MAST4: variants seen among roughly 807,000 people sequenced by gnomAD.
The protein encoded by MAST4 is microtubule associated serine/threonine kinase family member 4, also known as microtubule-associated serine/threonine-protein kinase 4.
A neutral mutation model predicts 162.7 loss-of-function variants in MAST4; 89 were observed. That is an observed-to-expected ratio of 0.55 (90% confidence interval 0.46 to 0.65). The LOEUF is 0.65. MAST4 is among the 30% of genes least tolerant of loss of function. The pLI, the probability that MAST4 is intolerant of heterozygous loss-of-function variation, is 0.00. For missense variants in MAST4, 3,153 were observed against 3,374.0 expected, an observed-to-expected ratio of 0.93 and a Z score of 1.62; for synonymous variants, 1,479 against 1,361.1, an observed-to-expected ratio of 1.09 and a Z score of -1.91.
intron 3 of MAST4, among the ~76,000 whole-genome samples, chr5:66,875,422 A>G (rs932958461): frequency 1.3e-5 from 2 of 152,220 alleles, no homozygotes; most frequent in Admixed American, 6.5e-5. Flanking sequence ...CATGAATCTC[A>G]TTTCTGAAAC....
intron 1 of MAST4, among the ~76,000 whole-genome samples, chr5:66,677,391 C>A (rs1444160482): frequency 6.6e-6 from 1 of 152,166 alleles, no homozygotes; most frequent in African/African-American, 2.4e-5. Context: ...TCTAACCTCT[C>A]TTTTAGTTTA....
At chr5:66,736,921 C>T (rs147631286) in intron 1 of MAST4, among the ~76,000 whole-genome samples, 514 of 152,288 alleles carry the variant, frequency 3.4e-3, no homozygotes, top group Non-Finnish European at 5.1e-3. Context: ...AACATGTTTG[C>T]GTCCCCTCTG....
At chr5:66,951,823 A>G (rs189354916) in intron 4 of MAST4, among the ~76,000 whole-genome samples, 10 of 152,196 alleles carry the variant, frequency 6.6e-5, no homozygotes, top group East Asian at 1.9e-4. Context: ...GGCACTTTCT[A>G]TGTTATCAAA....
intron 4 of MAST4, among the ~76,000 whole-genome samples, chr5:66,924,287 T>C (rs914959019): frequency 6.6e-6 from 1 of 152,204 alleles, no homozygotes; most frequent in Non-Finnish European, 1.5e-5. Context: ...CAGTAATTAT[T>C]TTGGAGAATA....
At chr5:66,879,479 TG>T (rs373913346) in intron 3 of MAST4, among the ~76,000 whole-genome samples, 53 of 152,300 alleles carry the variant, frequency 3.5e-4, no homozygotes, top group East Asian at 2.7e-3. Flanking sequence ...TTTGCAGCTA[TG>T]CTTTCTGGGA....
chr5:66,768,994 G>T (rs1754239328), intron 2 of MAST4, among the ~76,000 whole-genome samples: 1 of 152,126 alleles, frequency 6.6e-6, no homozygotes, highest in African/African-American at 2.4e-5. Context: ...GGTTATATGG[G>T]AATTGAGAAG....
At chr5:66,620,964 T>C (rs1744037569) in intron 1 of MAST4, among the ~76,000 whole-genome samples, 1 of 152,090 alleles carries the variant, frequency 6.6e-6, no homozygotes, top group Admixed American at 6.6e-5. Flanking sequence ...GAGACAAGTA[T>C]AGGAAATGAC....
At chr5:66,602,737 C>G (rs1305005821) in intron 1 of MAST4, among the ~76,000 whole-genome samples, 2 of 152,258 alleles carry the variant, frequency 1.3e-5, no homozygotes, top group African/African-American at 4.8e-5. Context: ...TGGTTATGTT[C>G]TTACATTCTA....
At chr5:67,132,082 C>A in intron 16 of MAST4, 131 bp downstream of exon 16, 1 of 1,027,994 alleles carries the variant, frequency 9.7e-7, no homozygotes, top group Non-Finnish European at 1.4e-6. Context: ...GTTGTTTTAA[C>A]AGTATATATG....
At chr5:66,887,941 G>A (rs971123635) in intron 3 of MAST4, among the ~76,000 whole-genome samples, 3 of 152,054 alleles carry the variant, frequency 2.0e-5, no homozygotes. Flanking sequence ...GGGCGCGGTG[G>A]CTCACGCCTG....
chr5:66,683,674 C>T (rs1177644891), intron 1 of MAST4, among the ~76,000 whole-genome samples: 1 of 152,174 alleles, frequency 6.6e-6, no homozygotes, highest in Non-Finnish European at 1.5e-5. Flanking sequence ...TACAGATGAC[C>T]TGCCTTGGGG....
intron 5 of MAST4, among the ~76,000 whole-genome samples, chr5:67,061,126 T>C (rs1759522235): frequency 6.6e-6 from 1 of 151,628 alleles, no homozygotes; most frequent in Non-Finnish European, 1.5e-5. Context: ...ACCAGTTTAT[T>C]GTATTCTTCA....
At chr5:66,694,789 T>G (rs915550003) in intron 1 of MAST4, among the ~76,000 whole-genome samples, 3 of 152,208 alleles carry the variant, frequency 2.0e-5, no homozygotes, top group Admixed American at 1.3e-4. Flanking sequence ...GCCCAGCCAA[T>G]CTTGAGCTTT....
rs779693894 is a variant in MAST4 at position 67,142,131 on chromosome 5, C to G, written c.2511C>G (p.Val837=). The part of the protein sequence containing the change: ...ERLGTGGAYE[V]KQHRFFRSLD... ...CCCTTCCAGGTGGTGCATATGAAGTCAAACAGCATCGATTCTTCCGTTCTT... is the reference window on the plus strand; with the variant it reads ...CCCTTCCAGGTGGTGCATATGAAGTGAAACAGCATCGATTCTTCCGTTCTT... The change falls in exon 20 of 29, where the codon GTC becomes GTG. Residue 837 remains valine, a synonymous_variant. Coordinates refer to ENST00000403625, the MANE Select transcript of MAST4 (RefSeq NM_001164664.2). The G allele has an allele frequency of 2.5e-6, 4 of 1,613,878 alleles. No homozygotes were observed. In the Admixed American group the frequency reaches 6.7e-5, roughly 27 times the overall value.
At chr5:66,640,429 T>A (rs1354047590) in intron 1 of MAST4, among the ~76,000 whole-genome samples, 1 of 151,718 alleles carries the variant, frequency 6.6e-6, no homozygotes, top group Non-Finnish European at 1.5e-5. Context: ...TGCCTCAGCC[T>A]CCCCAGTAGC....
chr5:67,007,181 C>T (rs773617539), intron 4 of MAST4, among the ~76,000 whole-genome samples: 18 of 152,184 alleles, frequency 1.2e-4, no homozygotes, highest in Non-Finnish European at 2.4e-4. Flanking sequence ...CCATGTCCTT[C>T]CCTAAGGACA....
chr5:67,143,773 A>G (rs558226259), intron 21 of MAST4, among the ~76,000 whole-genome samples: 9 of 152,254 alleles, frequency 5.9e-5, no homozygotes, highest in Admixed American at 3.3e-4. Context: ...TCAGACCAGG[A>G]CTGTTCTCTG....
At chr5:66,788,841 C>T (rs1755248676) in intron 3 of MAST4, 47 bp downstream of exon 3, 6 of 1,493,706 alleles carry the variant, frequency 4.0e-6, no homozygotes, top group Non-Finnish European at 5.3e-6. Flanking sequence ...CTCACCACCT[C>T]TCTAGGGACA....
At chr5:66,859,191 G>A (rs572879703) in intron 3 of MAST4, among the ~76,000 whole-genome samples, 35 of 152,132 alleles carry the variant, frequency 2.3e-4, no homozygotes, top group South Asian at 4.2e-4. Flanking sequence ...GCAATATAAC[G>A]CTTCTTATTT....
Sources: gnomAD v4.1 joint callset for allele counts (sites outside exome capture counted in the v4.1 genomes callset) on GRCh38, gnomAD v4.1.1 for gene constraint, MANE v1.5 for transcripts, NCBI Gene and HGNC (gene_info 2026-07-23, HGNC 2026-07-21) for gene names.